Variants in KMT2B observed in about 807,000 individuals in gnomAD.
KMT2B encodes histone-lysine N-methyltransferase 2B.
Under a neutral mutation model 255.3 loss-of-function variants are expected in KMT2B, and 22 were observed. The observed-to-expected ratio is 0.09, with a 90% confidence interval of 0.06 to 0.12. KMT2B has a LOEUF of 0.12. Ranked by LOEUF, KMT2B falls within the 10% of genes least tolerant of loss-of-function variation. KMT2B has a pLI of 1.00. For missense variants in KMT2B, 3,149 were observed against 3,737.0 expected, an observed-to-expected ratio of 0.84 and a Z score of 4.10; for synonymous variants, 1,730 against 1,498.1, an observed-to-expected ratio of 1.15 and a Z score of -3.57.
At chr19:35,719,064 G>A (rs1240305739) in intron 1 of KMT2B, among the ~76,000 whole-genome samples, 1 of 152,174 alleles carries the variant, frequency 6.6e-6, no homozygotes. Context: ...CCCTTCACTT[G>A]CGGGCCCCTG....
In KMT2B at chr19:35,723,881, C is replaced by T; in HGVS notation, c.3208C>T (p.Leu1070Phe). Residue 1070 changes from leucine (L) to phenylalanine (F), a missense_variant, in exon 8 of 37, where the codon CTC becomes TTC. This residue lies in a region of KMT2B where 136 missense variants were observed against 137.3 expected (regional missense o/e 0.99). Transcript: ENST00000420124. This position sits in a 1 kb window ranked among gnomAD's most constrained non-coding sequence, Gnocchi z 7.5. ...CCCAGGGCCCGAGGAGCAGGACTCCCTCCTGCAGCGCAAGTCAGCTCGGCG... is the reference window on the plus strand; with the variant it reads ...CCCAGGGCCCGAGGAGCAGGACTCCTTCCTGCAGCGCAAGTCAGCTCGGCG... The part of the protein sequence containing the change: ...AHPGPEEQDS[L>F]LQRKSARRCV... The T allele has an allele frequency of 1.2e-6, 2 of 1,610,554 alleles. No individual in the cohort carries two copies. The highest frequency in any genetic ancestry group is 1.7e-4 in the Middle Eastern group (1 of 6,054).
In KMT2B at chr19:35,732,472, C is replaced by G. The variant is rs1746590595; in HGVS notation, c.5923C>G (p.Pro1975Ala). 1 of 1,613,794 alleles carries G rather than the reference C, an allele frequency of 6.2e-7. No individual in the cohort carries two copies. The highest frequency in any genetic ancestry group is 1.7e-5 in the Admixed American group (1 of 60,004). ...TCCACCACCCCCTGAAGACCTGGGC[C>G]CAGACTTCGAGGACATGGAGGTGGT... ...PSPPPPEDLG[P>A]DFEDMEVVSG... is the part of the protein sequence containing the mutation. The change falls in exon 28 of 37, where the codon CCA becomes GCA. Residue 1975 changes from proline to alanine, a missense_variant. Transcript: ENST00000420124.
Position 35,720,639 on chromosome 19 carries a change from C to G in KMT2B, c.1292C>G (p.Pro431Arg). The G allele has an allele frequency of 6.8e-7, 1 of 1,471,160 alleles. No individual in the cohort carries two copies. 91.1% of individuals were successfully genotyped at this position (1,471,160 alleles called of 1,614,324 possible). ...STSPPPPLCP[P>R]PPPPVSPPPL... ...TCTCCTCCACCCCCACTCTGCCCTC[C>G]ACCACCACCCCCAGTGTCCCCACCA... is the stretch of plus-strand genomic sequence containing the variant. Residue 431 changes from proline to arginine, a missense_variant, in exon 3 of 37, where the codon CCA becomes CGA. By Grantham distance (103) the Pro-to-Arg change is moderately radical (BLOSUM62 -2). Transcript: ENST00000420124.
chr19:35,732,196 A>T lies in KMT2B; in HGVS notation c.5666-19A>T. 1.9e-6 allele frequency: 3 copies of T among 1,571,718 alleles called. No individual in the cohort carries two copies. ...CGCGGAGGTGGGAGCTGCTGGTAAC[A>T]CCAACCCTCCCCCCACAGGAAGTCC... is the stretch of plus-strand genomic sequence containing the variant. On this transcript the variant is annotated intron_variant, in intron 27 of 36. Coordinates refer to ENST00000420124, the MANE Select transcript of KMT2B (RefSeq NM_014727.3).
At position 35,725,529 on chromosome 19, in the gene KMT2B, G is replaced by A. The variant is rs200229611; in HGVS notation, c.3693G>A (p.Glu1231=). The change falls in exon 12 of 37, where the codon GAG becomes GAA. Residue 1231 remains glutamate (E), a synonymous_variant. Transcript: ENST00000420124. This position sits in a 1 kb window ranked among gnomAD's most constrained non-coding sequence, Gnocchi z 4.1. ...CCDPFHPFCL[E]EAERPLPQHH... Reference sequence around the variant, plus strand: ...ACCCATTCCACCCATTCTGCCTGGAGGAGGCCGAGCGGCCCCTGCCCCAGC... The same window carrying A: ...ACCCATTCCACCCATTCTGCCTGGAAGAGGCCGAGCGGCCCCTGCCCCAGC... 4 of 1,611,386 alleles carry A rather than the reference G, an allele frequency of 2.5e-6. No individual in the cohort carries two copies. The Admixed American group carries it at 5.0e-5, about 20-fold the overall frequency.
intron 20 of KMT2B, 37 bp downstream of exon 20, chr19:35,728,926 T>A: frequency 1.9e-6 from 3 of 1,607,318 alleles, no homozygotes; most frequent in Non-Finnish European, 2.6e-6. Context: ...CAGGGCCCTG[T>A]GTTGGTGGCC....
Position 35,720,101 on chromosome 19 carries a change from C to T in KMT2B, c.754C>T (p.Pro252Ser), listed in dbSNP as rs1337392865. ...EAAVTIPKPE[P>S]PPPVVPVKHQ... ...AGCTGTGACAATCCCCAAACCTGAG[C>T]CCCCACCTCCTGTGGTTCCAGTGAA... is the stretch of plus-strand genomic sequence containing the variant. The change falls in exon 3 of 37, where the codon CCC becomes TCC. Residue 252 changes from proline (P) to serine (S), a missense_variant. Coordinates refer to ENST00000420124, the MANE Select transcript of KMT2B (RefSeq NM_014727.3). 3 of 1,600,742 alleles carry T rather than the reference C, an allele frequency of 1.9e-6. No individual in the cohort carries two copies. The African/African-American group carries it at 4.0e-5, about 21-fold the overall frequency.
At position 35,725,496 on chromosome 19, in the gene KMT2B, C is replaced by T. The variant is rs769793680; in HGVS notation, c.3660C>T (p.Val1220=). The change falls in exon 12 of 37, where the codon GTC becomes GTT. Residue 1220 remains valine (V), a synonymous_variant. Coordinates refer to ENST00000420124, the MANE Select transcript of KMT2B (RefSeq NM_014727.3). This position sits in a 1 kb window ranked among gnomAD's most constrained non-coding sequence, Gnocchi z 4.1. Reference sequence around the variant, plus strand: ...GTCCCCAGCTGGTGTTCTGTCAAGTCTGCTGTGACCCATTCCACCCATTCT... The same window carrying T: ...GTCCCCAGCTGGTGTTCTGTCAAGTTTGCTGTGACCCATTCCACCCATTCT... ...KGLHELVFCQ[V]CCDPFHPFCL... 3 of 1,611,282 alleles carry T rather than the reference C, an allele frequency of 1.9e-6. No individual in the cohort carries two copies. The highest frequency in any genetic ancestry group is 2.7e-5 in the African/African-American group (2 of 74,950).
rs1213296095 is a variant in KMT2B at position 35,727,713 on chromosome 19, A to G, written c.4318A>G (p.Lys1440Glu). ...LLCTQCGPDG[K>E]QLHPGPCGLQ... Reference sequence around the variant, plus strand: ...CGCTTTGCAGTGTGGGCCAGATGGGAAGCAACTGCACCCAGGACCCTGCGG... The same window carrying G: ...CGCTTTGCAGTGTGGGCCAGATGGGGAGCAACTGCACCCAGGACCCTGCGG... The change falls in exon 17 of 37, where the codon AAG (lysine) becomes GAG (glutamate). Residue 1440 changes from lysine to glutamate, a missense_variant. Coordinates refer to ENST00000420124, the MANE Select transcript of KMT2B (RefSeq NM_014727.3). The surrounding 1 kb of genome is among the most constrained non-coding windows in gnomAD (Gnocchi z 4.2). 1.2e-6 allele frequency: 2 copies of G among 1,613,710 alleles called. No homozygotes were observed. The highest frequency in any genetic ancestry group is 1.7e-6 in the Non-Finnish European group (2 of 1,179,874).
chr19:35,725,811 G>C lies in KMT2B; in HGVS notation c.3878G>C (p.Arg1293Pro), dbSNP rs780411851. The change falls in exon 13 of 37, where the codon CGC becomes CCC. Residue 1293 changes from arginine (R) to proline (P), a missense_variant. This residue lies in a region of KMT2B where 377 missense variants were observed against 471.0 expected (regional missense o/e 0.80). Transcript: ENST00000420124. The surrounding 1 kb of genome is among the most constrained non-coding windows in gnomAD (Gnocchi z 4.1). ...CCAACCCGGGCCACGCGCAAACGGC[G>C]CCACTGGGTGAGAGATGAGGTTCAC... ...SYPTRATRKR[R>P]HWICSACVRC... is the part of the protein sequence containing the mutation. 3 of 1,573,772 alleles carry C rather than the reference G, an allele frequency of 1.9e-6. No individual in the cohort carries two copies. In the African/African-American group the frequency reaches 4.1e-5, roughly 21 times the overall value.
In KMT2B at chr19:35,720,339, A is replaced by T; in HGVS notation, c.992A>T (p.Gln331Leu). 1 of 1,611,116 alleles carries T rather than the reference A, an allele frequency of 6.2e-7. No individual in the cohort carries two copies. Among genetic ancestry groups the T allele is most frequent in the Non-Finnish European group, 8.5e-7 (1 of 1,178,658 alleles). The change falls in exon 3 of 37, where the codon CAA becomes CTA. Residue 331 changes from glutamine (Q) to leucine (L), a missense_variant. By Grantham distance (113) the Gln-to-Leu change is moderately radical (BLOSUM62 -2). Coordinates refer to ENST00000420124, the MANE Select transcript of KMT2B (RefSeq NM_014727.3). Reference protein sequence around the residue: ...LGLESGQGQGQHEESWQDVPQ... With the variant: ...LGLESGQGQGLHEESWQDVPQ... Reference sequence around the variant, plus strand: ...CTCGAATCAGGTCAAGGTCAAGGTCAACATGAGGAAAGTTGGCAGGATGTC... The same window carrying T: ...CTCGAATCAGGTCAAGGTCAAGGTCTACATGAGGAAAGTTGGCAGGATGTC...
In KMT2B at chr19:35,736,953, G is replaced by C; in HGVS notation, c.7339G>C (p.Gly2447Arg). The C allele has an allele frequency of 6.2e-7, 1 of 1,613,926 alleles. No homozygotes were observed. Among genetic ancestry groups the C allele is most frequent in the Non-Finnish European group, 8.5e-7 (1 of 1,179,866 alleles). The change falls in exon 32 of 37, where the codon GGG (glycine) becomes CGG (arginine). Residue 2447 changes from glycine (G) to arginine (R), a missense_variant. This residue lies in a region of KMT2B where 103 missense variants were observed against 200.7 expected (regional missense o/e 0.51). Coordinates refer to ENST00000420124, the MANE Select transcript of KMT2B (RefSeq NM_014727.3). ...GATCGAGAAAGTGCAAGAGGCCCGA[G>C]GGCATGCCCGACTCAGACATCTCTC... ...TLIEKVQEAR[G>R]HARLRHLSFS...
intron 18 of KMT2B, 31 bp downstream of exon 18, chr19:35,728,016 G>C (rs371173473): frequency 1.3e-6 from 2 of 1,547,630 alleles, no homozygotes; most frequent in African/African-American, 2.7e-5. Flanking sequence ...TTGTGGGGTG[G>C]GGGAGTGGGA....
intron 30 of KMT2B, among the ~76,000 whole-genome samples, chr19:35,734,474 T>G (rs572531955): frequency 2.6e-5 from 4 of 151,778 alleles, no homozygotes; most frequent in African/African-American, 9.7e-5. Flanking sequence ...GAGCGGGAGG[T>G]GGGCGAGCAG....
At position 35,721,715 on chromosome 19, in the gene KMT2B, G is replaced by A. The variant is rs1211625503; in HGVS notation, c.2368G>A (p.Glu790Lys). The change falls in exon 3 of 37, where the codon GAG becomes AAG. Residue 790 changes from glutamate to lysine, a missense_variant. This residue lies in a region of KMT2B where 1,188 missense variants were observed against 1,106.4 expected (regional missense o/e 1.07). Transcript: ENST00000420124. ...TTCCTTGCCGCTGTCTGGGGTAGAGGAGAAGATGTTCAGCCTCCTCAAGAG... is the reference window on the plus strand; with the variant it reads ...TTCCTTGCCGCTGTCTGGGGTAGAGAAGAAGATGTTCAGCCTCCTCAAGAG... ...VGSLPLSGVE[E>K]KMFSLLKRAK... The A allele has an allele frequency of 5.6e-6, 9 of 1,610,530 alleles. No homozygotes were observed. Among genetic ancestry groups the A allele is most frequent in the Non-Finnish European group, 7.6e-6 (9 of 1,178,394 alleles).
intron 9 of KMT2B, 125 bp from the exon 10 acceptor site, chr19:35,724,864 G>A: frequency 9.7e-7 from 1 of 1,034,822 alleles, no homozygotes; most frequent in Non-Finnish European, 1.4e-6. Context: ...GGCCTTGCCT[G>A]TCTGGAAAGC....
chr19:35,725,137 C>T lies in KMT2B; in HGVS notation c.3528+50C>T, dbSNP rs988386217. 40 of 1,580,064 alleles carry T rather than the reference C, an allele frequency of 2.5e-5. 1 individual carries two copies. Among genetic ancestry groups the T allele is most frequent in the Middle Eastern group, 3.3e-4 (2 of 6,022 alleles). On this transcript the variant is annotated intron_variant, in intron 10 of 36. Coordinates refer to ENST00000420124, the MANE Select transcript of KMT2B (RefSeq NM_014727.3). This position sits in a 1 kb window ranked among gnomAD's most constrained non-coding sequence, Gnocchi z 4.1. Reference sequence around the variant, plus strand: ...ACAGAGCCTCTGGTTGGAAGAACCTCGATGACTGTGTCATCGAGAAGCCAG... The same window carrying T: ...ACAGAGCCTCTGGTTGGAAGAACCTTGATGACTGTGTCATCGAGAAGCCAG...
intron 19 of KMT2B, among the ~76,000 whole-genome samples, chr19:35,728,390 C>T (rs949248804): frequency 1.3e-4 from 19 of 151,942 alleles, no homozygotes; most frequent in Non-Finnish European, 2.5e-4. Flanking sequence ...AAGCAGTGAG[C>T]GAATCAGATT....
At position 35,719,503 on chromosome 19, in the gene KMT2B, C is replaced by T. The variant is rs202048028; in HGVS notation, c.398C>T (p.Ala133Val). 277 of 1,591,286 alleles carry T rather than the reference C, an allele frequency of 1.7e-4. No homozygotes were observed. Among genetic ancestry groups the T allele is most frequent in the Non-Finnish European group, 3.8e-5 (45 of 1,169,082 alleles). ...GGTTTTCATTCAGATGAAGATGTGG[C>T]CCCCAGTTCCCTGCGCTCTGCGCTC... ...FQGFHSDEDV[A>V]PSSLRSALRS... The change falls in exon 2 of 37, where the codon GCC (alanine) becomes GTC (valine). Residue 133 changes from alanine (A) to valine (V), a missense_variant. By Grantham distance (64) the Ala-to-Val change is moderately conservative. Transcript: ENST00000420124.
Sources: gnomAD v4.1 joint callset for allele counts (sites outside exome capture counted in the v4.1 genomes callset) on GRCh38, gnomAD v4.1.1 for gene constraint, gnomAD v4.1.1 regional missense constraint, Gnocchi (gnomAD v3.1) non-coding constraint, MANE v1.5 for transcripts, NCBI Gene and HGNC (gene_info 2026-07-23, HGNC 2026-07-21) for gene names.